The following EPB41L4A variants were observed in gnomAD, a reference collection of about 807,000 sequenced individuals.
The protein encoded by EPB41L4A is band 4.1-like protein 4A.
EPB41L4A carries 100 observed loss-of-function variants against 108.6 expected under a neutral mutation model. The ratio of observed to expected loss-of-function variants is 0.92; its 90% CI spans 0.78 to 1.09. The LOEUF (loss-of-function observed/expected upper bound fraction) is 1.09. EPB41L4A is among the 50% of genes least tolerant of loss of function. The probability of loss-of-function intolerance (pLI) is 0.00; values close to 1 mark genes in which losing one functional copy is unlikely to be tolerated. For synonymous variants in EPB41L4A, 319 were observed against 289.0 expected, an observed-to-expected ratio of 1.10 and a Z score of -1.05; for missense variants, 1,030 against 842.7, an observed-to-expected ratio of 1.22 and a Z score of -2.75.
chr5:112,306,603 T>A (rs1754698841), intron 2 of EPB41L4A, among the ~76,000 whole-genome samples: 1 of 152,114 alleles, frequency 6.6e-6, no homozygotes. Context: ...TTGAGTAGGA[T>A]GAAAAATAAA....
intron 12 of EPB41L4A, among the ~76,000 whole-genome samples, chr5:112,231,785 C>G (rs1240640504): frequency 3.2e-5 from 3 of 94,020 alleles, no homozygotes; most frequent in Admixed American, 1.4e-4. Context: ...GAGCTAGACT[C>G]CGTCTCAAAA....
At chr5:112,240,844 G>T in intron 9 of EPB41L4A, 34 bp from the exon 10 acceptor site, 2 of 1,321,584 alleles carry the variant, frequency 1.5e-6, no homozygotes, top group South Asian at 2.7e-5. Flanking sequence ...TATGAATAAT[G>T]ACCAGGGAAG....
At position 112,419,052 on chromosome 5, in the gene EPB41L4A, C is replaced by T. The variant is rs775650804; in HGVS notation, c.-13G>A. 6.2e-7 allele frequency: 1 copy of T among 1,607,040 alleles called. No homozygotes were observed. The highest frequency in any genetic ancestry group is 8.5e-7 in the Non-Finnish European group (1 of 1,174,332). On this transcript the variant is annotated 5_prime_UTR_variant, in exon 1 of 23. Coordinates refer to ENST00000261486, the MANE Select transcript of EPB41L4A (RefSeq NM_022140.5). ...AGAAACAGCCCATGTCGGTTGTGGT[C>T]GTCTCCAGCCAGGAGAGAAAGCTAC...
chr5:112,210,113 C>A, intron 12 of EPB41L4A, 131 bp from the exon 13 acceptor site: 1 of 556,832 alleles, frequency 1.8e-6, no homozygotes, highest in East Asian at 3.1e-5. Flanking sequence ...ATTATAACCC[C>A]AAATAAATAA....
chr5:112,228,870 C>T, intron 12 of EPB41L4A: 3 of 318,874 alleles, frequency 9.4e-6, no homozygotes, highest in Non-Finnish European at 1.4e-5. Context: ...GGTGGGGAAG[C>T]AGGCAGCTGG....
In EPB41L4A at chr5:112,320,699, A is replaced by T. The variant is rs555176550; in HGVS notation, c.100-13209T>A. On this transcript the variant is annotated intron_variant, in intron 1 of 22. Transcript: ENST00000261486. ...ATTTCCACTGACGTATTTAAGACAG[A>T]GGTCACAAACAGAAGCCCACTTTTT... is the stretch of plus-strand genomic sequence containing the variant. Among the ~76,000 whole-genome samples the T allele has an allele frequency of 7.2e-5, 11 of 152,328 alleles. 1 individual carries two copies. The South Asian group carries it at 2.3e-3, about 32-fold the overall frequency.
intron 17 of EPB41L4A, among the ~76,000 whole-genome samples, chr5:112,189,021 T>C (rs1761559402): frequency 6.6e-6 from 1 of 152,220 alleles, no homozygotes; most frequent in Admixed American, 6.5e-5. Flanking sequence ...TTATGGAACA[T>C]AATTAAAATA....
At chr5:112,175,738 A>G (rs199646514) in intron 18 of EPB41L4A, among the ~76,000 whole-genome samples, 4 of 146,528 alleles carry the variant, frequency 2.7e-5, no homozygotes, top group Non-Finnish European at 4.5e-5. Flanking sequence ...GTGTGTGTGT[A>G]TATGTATATA....
At chr5:112,246,726 T>A (rs915462703) in intron 9 of EPB41L4A, among the ~76,000 whole-genome samples, 1 of 152,320 alleles carries the variant, frequency 6.6e-6, no homozygotes. Flanking sequence ...GTCTGTGTTA[T>A]CTGATGTAAA....
intron 1 of EPB41L4A, among the ~76,000 whole-genome samples, chr5:112,407,931 C>G (rs1762166526): frequency 6.6e-6 from 1 of 152,124 alleles, no homozygotes. Context: ...TGTCGCTGCT[C>G]CAGGAAGTTT....
chr5:112,207,953 A>G (rs1223279538), intron 13 of EPB41L4A, among the ~76,000 whole-genome samples: 1 of 152,146 alleles, frequency 6.6e-6, no homozygotes, highest in Non-Finnish European at 1.5e-5. Context: ...TCATTCTACA[A>G]AAAAAGACAT....
chr5:112,168,493 G>T (rs549652417), intron 22 of EPB41L4A, among the ~76,000 whole-genome samples: 2 of 152,242 alleles, frequency 1.3e-5, no homozygotes, highest in African/African-American at 4.8e-5. Context: ...TACAATCTTT[G>T]TTATCCTCAG....
chr5:112,234,205 TAA>T (rs1419986340), intron 12 of EPB41L4A, among the ~76,000 whole-genome samples: 1 of 147,802 alleles, frequency 6.8e-6, no homozygotes, highest in East Asian at 2.0e-4. Flanking sequence ...TAAAATAAAA[TAA>T]AATATAAATA....
At chr5:112,268,808 ACTC>A in intron 4 of EPB41L4A, among the ~76,000 whole-genome samples, 2 of 129,182 alleles carry the variant, frequency 1.5e-5, no homozygotes, top group Non-Finnish European at 3.1e-5. Context: ...GCACCACTGC[ACTC>A]CAGCCTGGGC....
intron 2 of EPB41L4A, among the ~76,000 whole-genome samples, chr5:112,291,778 C>A (rs59723280): frequency 6.6e-6 from 1 of 152,192 alleles, no homozygotes; most frequent in Non-Finnish European, 1.5e-5. Context: ...TGGAGGGTGG[C>A]GTGCCCAGGA....
chr5:112,166,484 C>G (rs187978589), intron 22 of EPB41L4A, among the ~76,000 whole-genome samples: 7 of 152,286 alleles, frequency 4.6e-5, no homozygotes, highest in African/African-American at 1.7e-4. Flanking sequence ...AGCATTTTCC[C>G]TACATTCCTC....
At chr5:112,375,308 G>GTC (rs148433133) in intron 1 of EPB41L4A, among the ~76,000 whole-genome samples, 1,730 of 131,892 alleles carry the variant, frequency 0.013, 24 homozygotes, top group South Asian at 0.038. Context: ...AACAAGGTCA[G>GTC]TCTCTCTCTC....
intron 13 of EPB41L4A, among the ~76,000 whole-genome samples, chr5:112,144,395 C>T (rs764075716): frequency 6.6e-6 from 1 of 152,144 alleles, no homozygotes; most frequent in Non-Finnish European, 1.5e-5. Flanking sequence ...AGATGATCCT[C>T]CCACCTCAGT....
intron 12 of EPB41L4A, among the ~76,000 whole-genome samples, chr5:112,155,314 TA>T (rs1398002660): frequency 2.0e-5 from 3 of 150,954 alleles, no homozygotes; most frequent in Non-Finnish European, 3.0e-5. Flanking sequence ...GATATTTACA[TA>T]GAAAAAAATT....
Sources: gnomAD v4.1 joint callset for allele counts (sites outside exome capture counted in the v4.1 genomes callset) on GRCh38, gnomAD v4.1.1 for gene constraint, MANE v1.5 for transcripts, NCBI Gene and HGNC (gene_info 2026-07-23, HGNC 2026-07-21) for gene names.